Variants in ASAH2 observed in about 807,000 individuals in gnomAD.
The protein encoded by ASAH2 is neutral ceramidase.
ASAH2 carries 58 observed loss-of-function variants against 82.9 expected under a neutral mutation model. The ratio of observed to expected loss-of-function variants is 0.70; its 90% confidence interval spans 0.57 to 0.87. The LOEUF (loss-of-function observed/expected upper bound fraction) is 0.87. ASAH2 is among the 40% of genes least tolerant of loss of function. The pLI is 0.00. For missense variants in ASAH2, 779 were observed against 834.0 expected (o/e 0.93, Z 0.81); for synonymous variants, 276 against 289.7 (o/e 0.95, Z 0.48).
chr10:50,238,246 C>A (rs1187581066), intron 4 of ASAH2, among the ~76,000 whole-genome samples: 2 of 152,064 alleles, frequency 1.3e-5, no homozygotes, highest in Non-Finnish European at 2.9e-5. Flanking sequence ...GGAGTAGCAG[C>A]TTCTATGCTA....
chr10:50,249,336 T>G (rs1430245319), intron 1 of ASAH2, among the ~76,000 whole-genome samples: 4 of 152,230 alleles, frequency 2.6e-5, no homozygotes, highest in African/African-American at 9.6e-5. Context: ...AATGTTCCTA[T>G]GTTCTACAAA....
chr10:50,218,560 C>A lies in ASAH2; in HGVS notation c.964G>T (p.Ala322Ser). ...TTCTCTTGCTCAAGCAGGTAAGATG[C>A]ATAGCCCACATTGTCACTGTTTACA... ...HLVNSDNVGYASYLLEQEKNK... is the reference protein window; with the variant it reads ...HLVNSDNVGYSSYLLEQEKNK... Residue 322 changes from alanine (A) to serine (S), a missense_variant, in exon 8 of 21, where the codon GCA becomes TCA. Ala to Ser is a moderately conservative substitution (Grantham distance 99). Transcript: ENST00000682911. The A allele has an allele frequency of 1.2e-6, 2 of 1,613,684 alleles. No homozygotes were observed. The highest frequency in any genetic ancestry group is 1.7e-5 in the Admixed American group (1 of 59,992).
chr10:50,235,755 G>T, intron 5 of ASAH2, 133 bp downstream of exon 5: 3 of 941,634 alleles, frequency 3.2e-6, no homozygotes, highest in Non-Finnish European at 5.1e-6. Flanking sequence ...AGTCAGGGAG[G>T]AGAAAGAATT....
intron 1 of ASAH2, among the ~76,000 whole-genome samples, chr10:50,250,499 A>G (rs1846586599): frequency 6.6e-6 from 1 of 152,240 alleles, no homozygotes; most frequent in Non-Finnish European, 1.5e-5. Context: ...GTCAGTTTCC[A>G]GGAGTCAGGA....
At chr10:50,220,658 TA>T (rs1210007615) in intron 7 of ASAH2, among the ~76,000 whole-genome samples, 2 of 151,776 alleles carry the variant, frequency 1.3e-5, no homozygotes, top group Non-Finnish European at 2.9e-5. Flanking sequence ...TTAGGAAAAA[TA>T]ACTAATGGGT....
chr10:50,231,864 T>C (rs2133223331), intron 7 of ASAH2, among the ~76,000 whole-genome samples: 1 of 152,336 alleles, frequency 6.6e-6, no homozygotes, highest in South Asian at 2.1e-4. Context: ...TATTCCTTTT[T>C]AGCTAAAATG....
At chr10:50,222,170 G>T (rs1214429155) in intron 7 of ASAH2, among the ~76,000 whole-genome samples, 1 of 152,192 alleles carries the variant, frequency 6.6e-6, no homozygotes, top group Non-Finnish European at 1.5e-5. Flanking sequence ...GGATCGTAAA[G>T]AGGAATCAGA....
intron 7 of ASAH2, among the ~76,000 whole-genome samples, chr10:50,227,554 A>T (rs1845920432): frequency 1.3e-5 from 2 of 152,056 alleles, no homozygotes; most frequent in Admixed American, 1.3e-4. Context: ...TTTTAATTTA[A>T]TTTTTCCTTC....
At chr10:50,209,705 C>G (rs1314069090) in intron 12 of ASAH2, among the ~76,000 whole-genome samples, 3 of 151,974 alleles carry the variant, frequency 2.0e-5, no homozygotes, top group Non-Finnish European at 4.4e-5. Context: ...AGAAAAATAA[C>G]CCAAATTTTA....
Position 50,203,042 on chromosome 10 carries a change from T to A in ASAH2, c.1666-118A>T, listed in dbSNP as rs1245534992. On this transcript the variant is annotated intron_variant, in intron 15 of 20. Transcript: ENST00000682911. ...TATTAGTTTAAGATATTTTTCTTAA[T>A]AAAATTTTTCTAACTCTGCACTACA... The A allele has an allele frequency of 5.1e-6, 4 of 783,646 alleles. No homozygotes were observed. The Admixed American group carries it at 6.8e-5, about 13-fold the overall frequency. The allele number at this position is 783,646 out of a possible 1,614,324, so 48.5% of individuals were successfully genotyped here.
intron 2 of ASAH2, among the ~76,000 whole-genome samples, chr10:50,246,726 T>C (rs995924324): frequency 6.6e-6 from 1 of 152,198 alleles, no homozygotes; most frequent in Non-Finnish European, 1.5e-5. Context: ...TTCGACCAAA[T>C]TCTAGGTGGA....
At chr10:50,250,183 C>T (rs1057400043) in intron 1 of ASAH2, among the ~76,000 whole-genome samples, 24 of 152,130 alleles carry the variant, frequency 1.6e-4, no homozygotes, top group Non-Finnish European at 2.9e-4. Context: ...GGGATATATT[C>T]TTCAACCTGC....
intron 1 of ASAH2, among the ~76,000 whole-genome samples, chr10:50,249,194 G>A (rs948045481): frequency 6.6e-6 from 1 of 152,146 alleles, no homozygotes; most frequent in African/African-American, 2.4e-5. Context: ...TTACTATCTG[G>A]TGAGAAATGG....
chr10:50,221,621 T>A (rs1271825664), intron 7 of ASAH2, among the ~76,000 whole-genome samples: 7 of 137,888 alleles, frequency 5.1e-5, no homozygotes, highest in African/African-American at 1.8e-4. Context: ...GAGCAATGAA[T>A]TCAGGTTGTA....
In ASAH2 at chr10:50,204,896, C is replaced by T; in HGVS notation, c.1590G>A (p.Gly530=). The change falls in exon 14 of 21, where the codon GGG becomes GGA. Residue 530 remains glycine, a synonymous_variant. Transcript: ENST00000682911. ...CGGGGATGGCAGTTATGGCCAAGGACCCAAGGGTAATAATCTGAACATCAA... is the reference window on the plus strand; with the variant it reads ...CGGGGATGGCAGTTATGGCCAAGGATCCAAGGGTAATAATCTGAACATCAA... ...DIVDVQIITL[G]SLAITAIPGE... The T allele has an allele frequency of 6.2e-7, 1 of 1,611,818 alleles. No individual in the cohort carries two copies. The highest frequency in any genetic ancestry group is 8.5e-7 in the Non-Finnish European group (1 of 1,178,808).
At chr10:50,250,895 TCATTCTGTTTA>T (rs1207298701) in intron 1 of ASAH2, among the ~76,000 whole-genome samples, 1 of 152,254 alleles carries the variant, frequency 6.6e-6, no homozygotes, top group Admixed American at 6.5e-5. Context: ...ATGTGTTTCA[TCATTCTGTTTA>T]GCTGCCAGAA....
At chr10:50,195,314 C>T (rs1456912031) in intron 18 of ASAH2, among the ~76,000 whole-genome samples, 6 of 150,832 alleles carry the variant, frequency 4.0e-5, no homozygotes, top group South Asian at 2.1e-4. Context: ...CAGTGATCAT[C>T]GAAGAAATGC....
intron 13 of ASAH2, among the ~76,000 whole-genome samples, chr10:50,205,308 T>A (rs1845266041): frequency 6.6e-6 from 1 of 152,042 alleles, no homozygotes; most frequent in African/African-American, 2.4e-5. Context: ...ATAATCGCAC[T>A]TTAAGTTTAC....
intron 8 of ASAH2, among the ~76,000 whole-genome samples, 172 bp downstream of exon 8, chr10:50,218,338 A>G (rs1427599785): frequency 2.6e-5 from 4 of 152,092 alleles, no homozygotes; most frequent in African/African-American, 4.8e-5. Flanking sequence ...CTCATTTTTT[A>G]TTTTTCTTTC....
Sources: allele counts gnomAD v4.1 joint callset (sites outside exome capture counted in the v4.1 genomes callset), GRCh38; gene constraint gnomAD v4.1.1; transcripts MANE v1.5; gene names NCBI Gene and HGNC (gene_info 2026-07-23, HGNC 2026-07-21).